The following DAB1 variants were observed in gnomAD, a reference collection of about 807,000 sequenced individuals.
DAB1 encodes the protein DAB adaptor protein 1, also known as disabled homolog 1.
A neutral mutation model predicts 64.6 loss-of-function variants in DAB1; 15 were observed. The ratio of observed to expected loss-of-function variants is 0.23; its 90% CI spans 0.16 to 0.36. The LOEUF is 0.36. Among genes scored for constraint, DAB1 ranks in the 10% least tolerant of loss-of-function variants. The pLI, the probability that DAB1 is intolerant of heterozygous loss-of-function variation, is 1.00. For missense variants in DAB1, 596 were observed against 706.7 expected (o/e 0.84, Z 1.78); for synonymous variants, 235 against 251.9 (o/e 0.93, Z 0.64).
chr1:58,250,459 G>T (rs1660759596), intron 4 of DAB1, among the ~76,000 whole-genome samples: 2 of 152,322 alleles, frequency 1.3e-5, no homozygotes, highest in South Asian at 4.1e-4. Flanking sequence ...CAGAGGCAGC[G>T]GTAGCAACAG....
At chr1:57,968,235 T>C (rs1464917305) in intron 5 of DAB1, among the ~76,000 whole-genome samples, 1 of 152,160 alleles carries the variant, frequency 6.6e-6, no homozygotes, top group Admixed American at 6.6e-5. Flanking sequence ...ATCCACTGCT[T>C]GTTGCTTTGC....
At chr1:57,429,955 G>T (rs1021026702) in intron 7 of DAB1, among the ~76,000 whole-genome samples, 2 of 152,044 alleles carry the variant, frequency 1.3e-5, no homozygotes, top group African/African-American at 2.4e-5. Context: ...TTATAAGACT[G>T]CTTTATATAT....
intron 7 of DAB1, among the ~76,000 whole-genome samples, chr1:57,515,199 G>C (rs1236046512): frequency 6.6e-6 from 1 of 152,158 alleles, no homozygotes; most frequent in Non-Finnish European, 1.5e-5. Flanking sequence ...TGTTAGTCCT[G>C]GGTTAAAAAT....
At chr1:57,682,812 G>T (rs1404924398) in intron 6 of DAB1, among the ~76,000 whole-genome samples, 1 of 152,158 alleles carries the variant, frequency 6.6e-6, no homozygotes, top group Non-Finnish European at 1.5e-5. Flanking sequence ...CCCTCTGAGA[G>T]GCTTTAGCCT....
At chr1:58,209,040 A>G (rs1658421028) in intron 4 of DAB1, among the ~76,000 whole-genome samples, 1 of 152,156 alleles carries the variant, frequency 6.6e-6, no homozygotes, top group African/African-American at 2.4e-5. Flanking sequence ...CTTGAGAGAT[A>G]AGGAAGAGTT....
chr1:57,957,804 A>C (rs1442422582), intron 5 of DAB1, among the ~76,000 whole-genome samples: 2 of 152,200 alleles, frequency 1.3e-5, no homozygotes, highest in African/African-American at 4.8e-5. Flanking sequence ...TCCAAGTACA[A>C]ATAAGAATTA....
chr1:57,441,534 T>G (rs1685961190), intron 7 of DAB1, among the ~76,000 whole-genome samples: 1 of 151,878 alleles, frequency 6.6e-6, no homozygotes, highest in African/African-American at 2.4e-5. Context: ...TTTGTATTTT[T>G]GTAGAGACGG....
At chr1:57,488,532 C>T (rs189182709) in intron 7 of DAB1, among the ~76,000 whole-genome samples, 1,728 of 151,776 alleles carry the variant, frequency 0.011, 28 homozygotes, top group African/African-American at 0.037. Context: ...CAAAATTAGC[C>T]GGGTGTGGTG....
chr1:58,203,114 G>C (rs1020346989), intron 4 of DAB1, among the ~76,000 whole-genome samples: 1 of 152,160 alleles, frequency 6.6e-6, no homozygotes, highest in Admixed American at 6.5e-5. Flanking sequence ...TGCAGAAAAA[G>C]GGGTAAGGGG....
chr1:57,228,325 A>C (rs1035300666), intron 2 of DAB1, among the ~76,000 whole-genome samples: 1 of 152,208 alleles, frequency 6.6e-6, no homozygotes, highest in African/African-American at 2.4e-5. Flanking sequence ...TTGCAACGAC[A>C]AAATTTATGA....
intron 4 of DAB1, among the ~76,000 whole-genome samples, chr1:58,236,845 A>T (rs1660065578): frequency 6.6e-6 from 1 of 152,216 alleles, no homozygotes; most frequent in Non-Finnish European, 1.5e-5. Context: ...TCCAAACTTT[A>T]CGTTGCTTTT....
chr1:57,481,670 A>G (rs985238598), intron 7 of DAB1, among the ~76,000 whole-genome samples: 2 of 152,126 alleles, frequency 1.3e-5, no homozygotes, highest in African/African-American at 4.8e-5. Flanking sequence ...TACAAAAATT[A>G]GCCAGGCATG....
intron 4 of DAB1, among the ~76,000 whole-genome samples, chr1:58,252,141 A>C (rs980401980): frequency 3.9e-5 from 6 of 152,220 alleles, no homozygotes; most frequent in African/African-American, 1.4e-4. Context: ...AATGACCATT[A>C]ATTTCATGTT....
chr1:56,998,569 C>T (rs769976004), intron 14 of DAB1, among the ~76,000 whole-genome samples: 1 of 152,172 alleles, frequency 6.6e-6, no homozygotes, highest in Non-Finnish European at 1.5e-5. Context: ...AAATTGCTAA[C>T]AATTACCATG....
At position 58,002,242 on chromosome 1, in the gene DAB1, C is replaced by T. The variant is rs151082467; in HGVS notation, n.388-118080G>A. The stretch of plus-strand genomic sequence containing the variant: ...CAATATTAAGTTCAGAGTTTTTGGA[C>T]GGTCCCTCTGTTTGGTTAGTCTGTG... On this transcript the variant is annotated intron_variant and non_coding_transcript_variant, in intron 5 of 20. Transcript: ENST00000485760. Among the ~76,000 whole-genome samples the T allele has an allele frequency of 2.3e-3, 357 of 152,262 alleles. 2 individuals carry two copies. The highest frequency in any genetic ancestry group is 8.3e-3 in the African/African-American group (344 of 41,554).
intron 4 of DAB1, among the ~76,000 whole-genome samples, chr1:57,090,515 T>C (rs1387926612): frequency 6.6e-6 from 1 of 152,156 alleles, no homozygotes; most frequent in African/African-American, 2.4e-5. Flanking sequence ...GCTTTTCTTA[T>C]AGGTTCAAAT....
chr1:58,144,829 G>A (rs1654501876), intron 5 of DAB1, among the ~76,000 whole-genome samples: 1 of 152,180 alleles, frequency 6.6e-6, no homozygotes, highest in Middle Eastern at 3.2e-3. Context: ...GGCATACCAT[G>A]TCCACACACA....
intron 4 of DAB1, 119 bp downstream of exon 4, chr1:57,136,424 G>T: frequency 2.0e-6 from 1 of 491,994 alleles, no homozygotes; most frequent in Non-Finnish European, 3.5e-6. Flanking sequence ...GATCAAGTTT[G>T]TCAGTTGCTT....
chr1:57,971,525 T>C (rs548147691), intron 5 of DAB1, among the ~76,000 whole-genome samples: 1 of 152,318 alleles, frequency 6.6e-6, no homozygotes, highest in South Asian at 2.1e-4. Context: ...CTTGGCAACA[T>C]CAGGCCAGTT....
Sources: allele counts gnomAD v4.1 joint callset (sites outside exome capture counted in the v4.1 genomes callset), GRCh38; gene constraint gnomAD v4.1.1; transcripts MANE v1.5; gene names NCBI Gene and HGNC (gene_info 2026-07-23, HGNC 2026-07-21).